The following PCDH15 variants were observed in gnomAD, a reference collection of about 807,000 sequenced individuals.
The protein encoded by PCDH15 is protocadherin related 15.
A neutral mutation model predicts 178.5 loss-of-function variants in PCDH15; 129 were observed. The observed-to-expected ratio is 0.72, with a 90% CI of 0.63 to 0.84. The LOEUF (loss-of-function observed/expected upper bound fraction) is 0.84. Ranked by LOEUF, PCDH15 falls within the 40% of genes least tolerant of loss-of-function variation. The pLI is 0.00. For synonymous variants in PCDH15, 800 were observed against 732.0 expected, an observed-to-expected ratio of 1.09 and a Z score of -1.50; for missense variants, 2,230 against 2,099.9, an observed-to-expected ratio of 1.06 and a Z score of -1.21.
intron 2 of PCDH15, among the ~76,000 whole-genome samples, chr10:54,964,150 C>T (rs560926215): frequency 2.3e-4 from 35 of 152,254 alleles, no homozygotes; most frequent in African/African-American, 6.0e-4. Context: ...GAAGCCCTGA[C>T]GGTTGGTTTC....
At chr10:55,600,544 G>A (rs1843053389) in intron 2 of PCDH15, among the ~76,000 whole-genome samples, 1 of 152,032 alleles carries the variant, frequency 6.6e-6, no homozygotes, top group Admixed American at 6.6e-5. Flanking sequence ...TCAACAACAG[G>A]GTTTACGACC....
intron 1 of PCDH15, among the ~76,000 whole-genome samples, chr10:55,308,572 A>G (rs1386926298): frequency 6.6e-6 from 1 of 152,206 alleles, no homozygotes; most frequent in East Asian, 1.9e-4. Context: ...GAACTCTGAA[A>G]GCAAAGAAAA....
At chr10:55,198,366 C>T (rs1840150791) in intron 1 of PCDH15, among the ~76,000 whole-genome samples, 1 of 152,062 alleles carries the variant, frequency 6.6e-6, no homozygotes, top group African/African-American at 2.4e-5. Flanking sequence ...CGGACTTCCC[C>T]CTTGCTGTTC....
rs569811451 is a variant in PCDH15, at chr10:53,880,726, G to A, written c.3502-13869C>T. Among the ~76,000 whole-genome samples, 6 of 152,096 alleles carry A rather than the reference G, an allele frequency of 3.9e-5. No homozygotes were observed. The East Asian group carries it at 7.7e-4, about 20-fold the overall frequency. Reference sequence around the variant, plus strand: ...TTTTCAAAATAGACTGGATATATAGGGCTATGATGAAAGTAATTATTACCA... The same window carrying A: ...TTTTCAAAATAGACTGGATATATAGAGCTATGATGAAAGTAATTATTACCA... On this transcript the variant is annotated intron_variant, in intron 26 of 37. Transcript: ENST00000644397.
intron 2 of PCDH15, among the ~76,000 whole-genome samples, chr10:54,951,882 G>A (rs553455982): frequency 6.6e-6 from 1 of 151,786 alleles, no homozygotes; most frequent in Admixed American, 6.6e-5. Flanking sequence ...TTGTCCATTA[G>A]GAATTGTTTT....
intron 1 of PCDH15, among the ~76,000 whole-genome samples, chr10:55,222,730 C>CACACACACACATATATATAT: frequency 5.8e-5 from 7 of 121,262 alleles, no homozygotes; most frequent in African/African-American, 2.4e-4. Context: ...CACACACACA[C>CACACACACACATATATATAT]ATATATATAT....
chr10:54,178,561 A>G (rs938163493), intron 13 of PCDH15, among the ~76,000 whole-genome samples: 2 of 152,072 alleles, frequency 1.3e-5, no homozygotes, highest in African/African-American at 4.8e-5. Flanking sequence ...CTAAGACAGG[A>G]AAGAAGAGTA....
At chr10:53,914,415 C>T (rs575087725) in intron 25 of PCDH15, among the ~76,000 whole-genome samples, 1 of 152,272 alleles carries the variant, frequency 6.6e-6, no homozygotes, top group South Asian at 2.1e-4. Flanking sequence ...ACATATACAC[C>T]ATGGAATACT....
chr10:54,829,658 T>C (rs896010608), intron 3 of PCDH15, among the ~76,000 whole-genome samples: 1 of 152,092 alleles, frequency 6.6e-6, no homozygotes, highest in Non-Finnish European at 1.5e-5. Context: ...TTCAAAATGT[T>C]GTCTGTGCAT....
chr10:54,644,804 G>A (rs1390232407), intron 2 of PCDH15, among the ~76,000 whole-genome samples: 1 of 152,152 alleles, frequency 6.6e-6, no homozygotes, highest in Non-Finnish European at 1.5e-5. Flanking sequence ...TGGGCCCTTA[G>A]GAGGTGATTA....
Position 54,535,696 on chromosome 10 carries a change from C to T in PCDH15, c.92-7819G>A, listed in dbSNP as rs536884594. Among the ~76,000 whole-genome samples, 18 of 108,240 alleles carry T rather than the reference C, an allele frequency of 1.7e-4. No homozygotes were observed. In the East Asian group the frequency reaches 3.0e-3, roughly 18 times the overall value. 71.0% of individuals were successfully genotyped at this position (108,240 alleles called of 152,430 possible). ...CTGCACTCCAGCCTGGCAGACAGAG[C>T]GAGACTCCACCTCAAAAAAAAAAAA... On this transcript the variant is annotated intron_variant, in intron 2 of 37. Transcript: ENST00000644397.
intron 15 of PCDH15, among the ~76,000 whole-genome samples, chr10:54,113,339 G>T (rs542577151): frequency 6.6e-6 from 1 of 152,238 alleles, no homozygotes; most frequent in Non-Finnish European, 1.5e-5. Context: ...AATTCAGCAC[G>T]TTTAAGCATT....
intron 28 of PCDH15, among the ~76,000 whole-genome samples, chr10:53,855,186 T>A (rs780607781): frequency 1.3e-5 from 2 of 151,976 alleles, no homozygotes; most frequent in Non-Finnish European, 2.9e-5. Context: ...AATATTCTAG[T>A]GGAAATTGAC....
chr10:55,153,741 G>A (rs1366400191), intron 2 of PCDH15, among the ~76,000 whole-genome samples: 1 of 152,148 alleles, frequency 6.6e-6, no homozygotes, highest in Non-Finnish European at 1.5e-5. Flanking sequence ...AAAAGAACAT[G>A]GGTATCACCA....
chr10:55,355,811 C>A (rs538036381), intron 2 of PCDH15, among the ~76,000 whole-genome samples: 11 of 151,882 alleles, frequency 7.2e-5, no homozygotes, highest in African/African-American at 2.7e-4. Flanking sequence ...CCACTTTGAC[C>A]TACTAATCAT....
chr10:54,819,181 C>A (rs1476681360), intron 3 of PCDH15, among the ~76,000 whole-genome samples: 1 of 151,594 alleles, frequency 6.6e-6, no homozygotes, highest in Non-Finnish European at 1.5e-5. Flanking sequence ...ATTAGATATA[C>A]CTCATTTTGG....
intron 13 of PCDH15, among the ~76,000 whole-genome samples, chr10:54,172,110 A>G (rs968641860): frequency 3.3e-5 from 5 of 152,144 alleles, no homozygotes; most frequent in African/African-American, 7.2e-5. Context: ...ACTTGCACTT[A>G]TACGCCCAGA....
Position 53,995,685 on chromosome 10 carries a change from A to G in PCDH15, c.2832T>C (p.Pro944=), listed in dbSNP as rs2091800822. Residue 944 remains proline, a synonymous_variant, in exon 21 of 38, where the codon CCT becomes CCC. Transcript: ENST00000644397. ...CATCTTCAGCATAAACTGTTGTGAT[A>G]GGTGTACCCTTGACTGCATCCGGAG... The part of the protein sequence containing the change: ...MVAPDAVKGT[P]ITTVYAEDAD... 1 of 1,613,976 alleles carries G rather than the reference A, an allele frequency of 6.2e-7. No individual in the cohort carries two copies. Among genetic ancestry groups the G allele is most frequent in the Non-Finnish European group, 8.5e-7 (1 of 1,179,846 alleles).
chr10:54,357,614 A>T (rs995633610), intron 5 of PCDH15, among the ~76,000 whole-genome samples: 1 of 152,200 alleles, frequency 6.6e-6, no homozygotes, highest in Non-Finnish European at 1.5e-5. Flanking sequence ...ATTCAATGCC[A>T]TCCCCATCAA....
Sources: allele counts gnomAD v4.1 joint callset (sites outside exome capture counted in the v4.1 genomes callset), GRCh38; gene constraint gnomAD v4.1.1; transcripts MANE v1.5; gene names NCBI Gene and HGNC (gene_info 2026-07-23, HGNC 2026-07-21).